MAPK8IP1: variants seen among roughly 807,000 people sequenced by gnomAD.
MAPK8IP1 encodes mitogen-activated protein kinase 8 interacting protein 1.
Under a neutral mutation model 72.6 loss-of-function variants are expected in MAPK8IP1, and 17 were observed. The ratio of observed to expected loss-of-function variants is 0.23; its 90% confidence interval spans 0.16 to 0.35. The LOEUF is 0.35. MAPK8IP1 is among the 10% of genes least tolerant of loss of function. The pLI, the probability that MAPK8IP1 is intolerant of heterozygous loss-of-function variation, is 1.00. For missense variants in MAPK8IP1, 789 were observed against 1,009.7 expected (o/e 0.78, Z 2.96); for synonymous variants, 401 against 443.4 (o/e 0.90, Z 1.20).
intron 1 of MAPK8IP1, chr11:45,896,801 AG>A: frequency 6.5e-7 from 1 of 1,541,380 alleles, no homozygotes; most frequent in South Asian, 1.2e-5. Context: ...CCCTGCCTTG[AG>A]CCCTGGCCCC....
intron 1 of MAPK8IP1, 116 bp from the exon 2 acceptor site, chr11:45,897,969 T>G: frequency 1.4e-6 from 1 of 699,140 alleles, no homozygotes; most frequent in Non-Finnish European, 2.6e-6. Context: ...CCCCAAATCC[T>G]GTCCTCTGGG....
In MAPK8IP1 at chr11:45,900,361, A is replaced by G. The variant is rs2134674232; in HGVS notation, c.431A>G (p.Gln144Arg). The G allele has an allele frequency of 6.6e-7, 1 of 1,513,644 alleles. No homozygotes were observed. Among genetic ancestry groups the G allele is most frequent in the African/African-American group, 1.4e-5 (1 of 70,280 alleles). The allele number at this position is 1,513,644 out of a possible 1,614,324, so 93.8% of individuals were successfully genotyped here. Reference protein sequence around the residue: ...EPASRGQGQSQGQSQGPGSGD... With the variant: ...EPASRGQGQSRGQSQGPGSGD... ...GCGTCCCGCGGCCAGGGCCAGAGCC[A>G]AGGCCAGAGCCAGGGCCCGGGCAGC... The change falls in exon 3 of 12, where the codon CAA becomes CGA. Residue 144 changes from glutamine (Q) to arginine (R), a missense_variant. By Grantham distance (43) the Gln-to-Arg change is conservative. Coordinates refer to ENST00000241014, the MANE Select transcript of MAPK8IP1 (RefSeq NM_005456.4). The surrounding 1 kb of genome is among the most constrained non-coding windows in gnomAD (Gnocchi z 6.5).
At chr11:45,894,848 G>T (rs1011856922) in intron 1 of MAPK8IP1, among the ~76,000 whole-genome samples, 2 of 152,238 alleles carry the variant, frequency 1.3e-5, no homozygotes, top group African/African-American at 4.8e-5. Flanking sequence ...GCAGCCAGGG[G>T]GTGGGAAGTG....
chr11:45,885,769 G>T lies in MAPK8IP1; in HGVS notation c.-52G>T. 1 of 1,117,352 alleles carries T rather than the reference G, an allele frequency of 8.9e-7. No homozygotes were observed. The allele number at this position is 1,117,352 out of a possible 1,614,324, so 69.2% of individuals were successfully genotyped here. On this transcript the variant is annotated 5_prime_UTR_variant, in exon 1 of 12. Coordinates refer to ENST00000241014, the MANE Select transcript of MAPK8IP1 (RefSeq NM_005456.4). Reference sequence around the variant, plus strand: ...CCGCGCCTCCGCCTCCTTCGCAGCCGCCGCCTCCTCCGCGCCGCGCTCCGC... The same window carrying T: ...CCGCGCCTCCGCCTCCTTCGCAGCCTCCGCCTCCTCCGCGCCGCGCTCCGC...
In MAPK8IP1 at chr11:45,903,030, G is replaced by A. The variant is rs373370991; in HGVS notation, c.1263G>A (p.Ser421=). 5.0e-5 allele frequency: 80 copies of A among 1,611,510 alleles called. No homozygotes were observed. Among genetic ancestry groups the A allele is most frequent in the African/African-American group, 1.1e-4 (8 of 74,848 alleles). The change falls in exon 5 of 12, where the codon TCG becomes TCA. Residue 421 remains serine, a synonymous_variant. Transcript: ENST00000241014. This position sits in a 1 kb window ranked among gnomAD's most constrained non-coding sequence, Gnocchi z 6.4. The part of the protein sequence containing the change: ...TVYDNCASVS[S]PYESAIGEEY... ...ATGACAACTGTGCCTCCGTCTCCTC[G>A]CCCTATGAGTCGGCCATCGGAGAGG...
intron 1 of MAPK8IP1, chr11:45,896,947 G>T: frequency 6.4e-7 from 1 of 1,571,404 alleles, no homozygotes; most frequent in Non-Finnish European, 8.6e-7. Flanking sequence ...CAATGGGAGC[G>T]CTGGTAGGGG....
At position 45,903,056 on chromosome 11, in the gene MAPK8IP1, A is replaced by G; in HGVS notation, c.1289A>G (p.Glu430Gly). Residue 430 changes from glutamate (E) to glycine (G), a missense_variant, in exon 5 of 12, where the codon GAA (glutamate) becomes GGA (glycine). Around this residue, in one of 4 missense-constraint regions of MAPK8IP1, gnomAD observed 377 missense variants for 411.7 expected, o/e 0.92. Coordinates refer to ENST00000241014, the MANE Select transcript of MAPK8IP1 (RefSeq NM_005456.4). This position sits in a 1 kb window ranked among gnomAD's most constrained non-coding sequence, Gnocchi z 6.4. ...CCCTATGAGTCGGCCATCGGAGAGG[A>G]ATATGAGGAGGCCCCGCGGCCCCAG... is the stretch of plus-strand genomic sequence containing the variant. ...SSPYESAIGE[E>G]YEEAPRPQPP... 1 of 1,611,514 alleles carries G rather than the reference A, an allele frequency of 6.2e-7. No homozygotes were observed. The highest frequency in any genetic ancestry group is 8.5e-7 in the Non-Finnish European group (1 of 1,179,868).
chr11:45,890,720 G>GCGGT (rs1293659693), intron 1 of MAPK8IP1, among the ~76,000 whole-genome samples: 1 of 152,014 alleles, frequency 6.6e-6, no homozygotes, highest in Admixed American at 6.5e-5. Context: ...AGACCAGAGG[G>GCGGT]CGGTGGGCAG....
intron 11 of MAPK8IP1, among the ~76,000 whole-genome samples, 200 bp downstream of exon 11, chr11:45,905,449 C>T (rs1296973406): frequency 1.3e-5 from 2 of 152,196 alleles, no homozygotes; most frequent in Non-Finnish European, 2.9e-5. Flanking sequence ...AGCTTGGTAG[C>T]TGTTGGGCCA....
Position 45,885,805 on chromosome 11 carries a change from A to G in MAPK8IP1, c.-16A>G. 7.3e-6 allele frequency: 10 copies of G among 1,375,048 alleles called. 1 individual carries two copies. The highest frequency in any genetic ancestry group is 3.2e-5 in the East Asian group (1 of 31,464). The allele number at this position is 1,375,048 out of a possible 1,614,324, so 85.2% of individuals were successfully genotyped here. ...CGCGCCGCGCTCCGCCCGGATGGCCAGGGCTGTGCCCGAGAATGGCGGAGC... is the reference window on the plus strand; with the variant it reads ...CGCGCCGCGCTCCGCCCGGATGGCCGGGGCTGTGCCCGAGAATGGCGGAGC... On this transcript the variant is annotated 5_prime_UTR_variant, in exon 1 of 12. Coordinates refer to ENST00000241014, the MANE Select transcript of MAPK8IP1 (RefSeq NM_005456.4).
intron 1 of MAPK8IP1, chr11:45,896,598 CG>C: frequency 7.6e-7 from 1 of 1,314,000 alleles, no homozygotes; most frequent in Non-Finnish European, 9.7e-7. Flanking sequence ...GCGGCAGCAG[CG>C]CAAGGGCCAG....
In MAPK8IP1 at chr11:45,906,442, T is replaced by C; in HGVS notation, c.*721T>C. ...GGTCCTGTCACCCTGGCCCCAACTATTAAAGTGCCATTTCCTGTCTGGACT... is the reference window on the plus strand; with the variant it reads ...GGTCCTGTCACCCTGGCCCCAACTACTAAAGTGCCATTTCCTGTCTGGACT... On this transcript the variant is annotated 3_prime_UTR_variant, in exon 12 of 12. Coordinates refer to ENST00000241014, the MANE Select transcript of MAPK8IP1 (RefSeq NM_005456.4). 7.9e-7 allele frequency: 1 copy of C among 1,260,072 alleles called. No individual in the cohort carries two copies. Among genetic ancestry groups the C allele is most frequent in the East Asian group, 2.6e-5 (1 of 38,598 alleles). The allele number at this position is 1,260,072 out of a possible 1,614,324, so 78.1% of individuals were successfully genotyped here. A position where few individuals can be genotyped will look rare whatever the true frequency, so the allele number is the denominator to read the frequency against.
Position 45,888,538 on chromosome 11 carries a change from G to A in MAPK8IP1, c.101+2617G>A, listed in dbSNP as rs148234332. On this transcript the variant is annotated intron_variant, in intron 1 of 11. Coordinates refer to ENST00000241014, the MANE Select transcript of MAPK8IP1 (RefSeq NM_005456.4). Reference sequence around the variant, plus strand: ...TTGGAAGAGCATGTGCGGAGGGGGCGAGCATGTGGACCTGACCTGAAGGGG... The same window carrying A: ...TTGGAAGAGCATGTGCGGAGGGGGCAAGCATGTGGACCTGACCTGAAGGGG... 4.4e-3 allele frequency among the ~76,000 whole-genome samples: 668 copies of A among 152,252 alleles called. 3 individuals carry two copies. The highest frequency in any genetic ancestry group is 9.7e-3 in the South Asian group (47 of 4,824).
intron 2 of MAPK8IP1, among the ~76,000 whole-genome samples, chr11:45,899,459 G>T (rs906997678): frequency 6.6e-6 from 1 of 152,248 alleles, no homozygotes; most frequent in Non-Finnish European, 1.5e-5. Flanking sequence ...AACTGATGAG[G>T]GGGCCTGAAG....
Position 45,903,565 on chromosome 11 carries a change from C to T in MAPK8IP1, c.1493+125C>T, listed in dbSNP as rs888014779. On this transcript the variant is annotated intron_variant, in intron 6 of 11. Transcript: ENST00000241014. The surrounding 1 kb of genome is among the most constrained non-coding windows in gnomAD (Gnocchi z 6.4). The stretch of plus-strand genomic sequence containing the variant: ...ATCAGCCTTCATTTATCCACTCAGC[C>T]CTGGGAGGACAGTGTCCACTCTCTA... 2.4e-6 allele frequency: 2 copies of T among 821,692 alleles called. No homozygotes were observed. Among genetic ancestry groups the T allele is most frequent in the Non-Finnish European group, 4.0e-6 (2 of 496,646 alleles). 50.9% of individuals were successfully genotyped at this position (821,692 alleles called of 1,614,324 possible).
rs145771407 is a variant in MAPK8IP1 at position 45,891,838 on chromosome 11, C to A, written c.101+5917C>A. ...CTGCTGATGGCCACGATGGAACCAG[C>A]CCCCTGGTGCTGGGTGACGCAGGTG... On this transcript the variant is annotated intron_variant, in intron 1 of 11. Transcript: ENST00000241014. 2.0e-3 allele frequency among the ~76,000 whole-genome samples: 298 copies of A among 152,324 alleles called. 2 individuals are homozygous for A. Among genetic ancestry groups the A allele is most frequent in the Non-Finnish European group, 2.4e-3 (165 of 68,032 alleles).
At chr11:45,898,242 A>G (rs1194100261) in intron 2 of MAPK8IP1, 52 bp downstream of exon 2, 34 of 1,271,772 alleles carry the variant, frequency 2.7e-5, no homozygotes, top group Non-Finnish European at 3.8e-5. Context: ...AAGGCTAGGG[A>G]CAGGGGTAAG....
At chr11:45,895,630 AAAAATATATAT>A (rs1044770556) in intron 1 of MAPK8IP1, among the ~76,000 whole-genome samples, 4 of 27,386 alleles carry the variant, frequency 1.5e-4, no homozygotes, top group African/African-American at 3.1e-4. Context: ...AAAAAAAAAA[AAAAATATATAT>A]ATATATATAT....
chr11:45,897,336 A>G (rs1200195304), intron 1 of MAPK8IP1, among the ~76,000 whole-genome samples: 1 of 151,924 alleles, frequency 6.6e-6, no homozygotes, highest in African/African-American at 2.4e-5. Flanking sequence ...GGGGGGTTCT[A>G]GTGGAGCTGG....
Sources: allele counts gnomAD v4.1 joint callset (sites outside exome capture counted in the v4.1 genomes callset), GRCh38; gene constraint gnomAD v4.1.1; regional missense constraint gnomAD v4.1.1; non-coding constraint Gnocchi (gnomAD v3.1); transcripts MANE v1.5; gene names NCBI Gene and HGNC (gene_info 2026-07-23, HGNC 2026-07-21).